MAP4: variants seen among roughly 807,000 people sequenced by gnomAD.
MAP4 encodes the protein microtubule associated protein 4, also known as microtubule-associated protein 4.
In MAP4, 76 loss-of-function variants were observed where a neutral mutation model predicts 170.2. The observed-to-expected ratio is 0.45, with a 90% CI of 0.37 to 0.54. The LOEUF is 0.54. Ranked by LOEUF, MAP4 falls within the 20% of genes least tolerant of loss-of-function variation. The probability of loss-of-function intolerance (pLI) is 0.00; values close to 1 mark genes in which losing one functional copy is unlikely to be tolerated. For missense variants in MAP4, 2,506 were observed against 2,748.0 expected, an observed-to-expected ratio of 0.91 and a Z score of 1.97; for synonymous variants, 909 against 994.5, an observed-to-expected ratio of 0.91 and a Z score of 1.62.
chr3:48,006,629 C>T (rs1373869174), intron 1 of MAP4, among the ~76,000 whole-genome samples: 8 of 152,172 alleles, frequency 5.3e-5, no homozygotes, highest in Non-Finnish European at 1.2e-4. Context: ...TTAGAGTTGC[C>T]TCTACCTAAA....
At chr3:48,053,848 T>C (rs1375584526) in intron 1 of MAP4, among the ~76,000 whole-genome samples, 1 of 152,236 alleles carries the variant, frequency 6.6e-6, no homozygotes, top group Non-Finnish European at 1.5e-5. Context: ...TCATGAGTAG[T>C]ATATATAGTT....
chr3:47,930,413 C>T (rs1234809854), intron 3 of MAP4, among the ~76,000 whole-genome samples: 3 of 150,530 alleles, frequency 2.0e-5, no homozygotes, highest in African/African-American at 7.3e-5. Flanking sequence ...CCACTGCAGT[C>T]CGCAGTCCGG....
At position 47,916,340 on chromosome 3, in the gene MAP4, G is replaced by C; in HGVS notation, c.1487C>G (p.Thr496Arg). Residue 496 changes from threonine (T) to arginine (R), a missense_variant, in exon 7 of 21, where the codon ACA (threonine) becomes AGA (arginine). By Grantham distance (71) the Thr-to-Arg change is moderately conservative. This residue lies in a region of MAP4 where 2,008 missense variants were observed against 2,206.0 expected (regional missense o/e 0.91). Transcript: ENST00000683076. The part of the protein sequence containing the change: ...IAPAKDVAPS[T>R]VKEVGLLKDM... Reference sequence around the variant, plus strand: ...CTTCAACAAGCCCACTTCTTTTACTGTGGACGGAGCCACATCCTTGGCCGG... The same window carrying C: ...CTTCAACAAGCCCACTTCTTTTACTCTGGACGGAGCCACATCCTTGGCCGG... 1 of 1,614,226 alleles carries C rather than the reference G, an allele frequency of 6.2e-7. No homozygotes were observed. Among genetic ancestry groups the C allele is most frequent in the Non-Finnish European group, 8.5e-7 (1 of 1,180,038 alleles).
intron 17 of MAP4, among the ~76,000 whole-genome samples, chr3:47,861,335 G>GACA (rs2065422051): frequency 6.7e-6 from 1 of 150,196 alleles, no homozygotes; most frequent in South Asian, 2.1e-4. Flanking sequence ...CACCCTGGGT[G>GACA]ACAAAACGAG....
chr3:48,057,940 C>T (rs1032233161), intron 1 of MAP4, among the ~76,000 whole-genome samples: 8 of 152,120 alleles, frequency 5.3e-5, no homozygotes, highest in Non-Finnish European at 5.9e-5. Context: ...TTAAAAAACA[C>T]AAATATACTA....
chr3:47,980,713 G>A (rs952508258), intron 2 of MAP4, among the ~76,000 whole-genome samples: 3 of 152,166 alleles, frequency 2.0e-5, no homozygotes, highest in African/African-American at 7.2e-5. Context: ...TACTTATCCA[G>A]AGAGATGCCA....
At position 47,975,584 on chromosome 3, in the gene MAP4, A is replaced by G. The variant is rs2100081583; in HGVS notation, c.292+2281T>C. ...CACAAGATGCTCATAAACCAAAGCT[A>G]TTAATGAAGCTGGTTTGCTCTCGGG... On this transcript the variant is annotated intron_variant, in intron 3 of 20. Coordinates refer to ENST00000683076, the MANE Select transcript of MAP4 (RefSeq NM_001385682.1). The G allele has an allele frequency of 4.1e-6, 3 of 739,834 alleles. 1 individual carries two copies. In the Admixed American group the frequency reaches 6.0e-5, roughly 15 times the overall value. 45.8% of individuals were successfully genotyped at this position (739,834 alleles called of 1,614,324 possible).
In MAP4 at chr3:47,855,605, C is replaced by T. The variant is rs2149882047; in HGVS notation, c.6584-245G>A. 6.6e-6 allele frequency among the ~76,000 whole-genome samples: 1 copy of T among 152,350 alleles called. No homozygotes were observed. The highest frequency in any genetic ancestry group is 1.5e-5 in the Non-Finnish European group (1 of 68,038). Reference sequence around the variant, plus strand: ...AGGAAAGCCATCCCTTCCACCACCCCATGCCACAGCCACTGAGCTGCAGGC... The same window carrying T: ...AGGAAAGCCATCCCTTCCACCACCCTATGCCACAGCCACTGAGCTGCAGGC... On this transcript the variant is annotated intron_variant, in intron 18 of 20. Transcript: ENST00000683076. The surrounding 1 kb of genome is among the most constrained non-coding windows in gnomAD (Gnocchi z 5.1).
chr3:48,006,922 G>C (rs921169023), intron 1 of MAP4, among the ~76,000 whole-genome samples: 1 of 152,230 alleles, frequency 6.6e-6, no homozygotes, highest in Admixed American at 6.5e-5. Flanking sequence ...CACTGACTCT[G>C]CAAATGCCTT....
intron 16 of MAP4, 95 bp downstream of exon 16, chr3:47,869,119 G>A: frequency 1.0e-6 from 1 of 956,632 alleles, no homozygotes; most frequent in Non-Finnish European, 1.7e-6. Context: ...ACTAGTTAGG[G>A]AAAGGGAAAA....
intron 1 of MAP4, among the ~76,000 whole-genome samples, chr3:48,062,447 T>C (rs1350247583): frequency 7.6e-6 from 1 of 132,102 alleles, no homozygotes; most frequent in Non-Finnish European, 1.5e-5. Flanking sequence ...TATTGTCCTA[T>C]GACCCTGCCA....
intron 1 of MAP4, among the ~76,000 whole-genome samples, chr3:48,031,762 G>T (rs995793931): frequency 1.1e-4 from 16 of 152,200 alleles, no homozygotes; most frequent in Admixed American, 5.2e-4. Context: ...ATGTGCCTAT[G>T]GTCCCAGCTA....
intron 3 of MAP4, among the ~76,000 whole-genome samples, chr3:47,969,309 G>C (rs1409153782): frequency 6.6e-6 from 1 of 152,178 alleles, no homozygotes; most frequent in Middle Eastern, 3.4e-3. Context: ...TCGGGAGGCT[G>C]AGGCAAGAGA....
chr3:47,857,969 C>G (rs1481957972), intron 17 of MAP4, among the ~76,000 whole-genome samples: 1 of 151,450 alleles, frequency 6.6e-6, no homozygotes, highest in African/African-American at 2.4e-5. Context: ...CTCAGATTTC[C>G]AGAGCCCAGA....
chr3:48,041,793 C>A (rs1233136110), intron 1 of MAP4, among the ~76,000 whole-genome samples: 1 of 152,144 alleles, frequency 6.6e-6, no homozygotes, highest in African/African-American at 2.4e-5. Flanking sequence ...TCAAGGGACC[C>A]AGAATAGCTA....
chr3:47,875,978 T>A, intron 11 of MAP4, 78 bp from the exon 12 acceptor site: 1 of 1,079,314 alleles, frequency 9.3e-7, no homozygotes. Flanking sequence ...AAAAACAAAT[T>A]AAAAAAAGTA....
Position 47,911,790 on chromosome 3 carries a change from T to C in MAP4, c.2631A>G (p.Val877=), listed in dbSNP as rs1577455999. 2 of 1,536,064 alleles carry C rather than the reference T, an allele frequency of 1.3e-6. No individual in the cohort carries two copies. The highest frequency in any genetic ancestry group is 1.7e-6 in the Non-Finnish European group (2 of 1,146,912). The change falls in exon 9 of 21, where the codon GTA becomes GTG. Residue 877 remains valine, a synonymous_variant. Transcript: ENST00000683076. The surrounding 1 kb of genome is among the most constrained non-coding windows in gnomAD (Gnocchi z 4.0). ...ACTTGTTACTTTTGCTCTCTTCCTC[T>C]ACTCTCAGCTTAGACTGAGAACTTA... is the stretch of plus-strand genomic sequence containing the variant. ...TAISSQSKLR[V]EEESKSNKSV...
chr3:47,961,642 C>T (rs747442459), intron 3 of MAP4, among the ~76,000 whole-genome samples: 9 of 152,102 alleles, frequency 5.9e-5, no homozygotes, highest in Admixed American at 2.6e-4. Flanking sequence ...TCCTAGAGAG[C>T]GGGCATGATG....
chr3:48,038,741 T>C (rs2100120122), intron 1 of MAP4, among the ~76,000 whole-genome samples: 1 of 152,102 alleles, frequency 6.6e-6, no homozygotes, highest in South Asian at 2.1e-4. Context: ...ATTACAGGCG[T>C]GAGCCACTGT....
Sources: allele counts gnomAD v4.1 joint callset (sites outside exome capture counted in the v4.1 genomes callset), GRCh38; gene constraint gnomAD v4.1.1; regional missense constraint gnomAD v4.1.1; non-coding constraint Gnocchi (gnomAD v3.1); transcripts MANE v1.5; gene names NCBI Gene and HGNC (gene_info 2026-07-23, HGNC 2026-07-21).